The following RAD51D variants were observed in gnomAD, a reference collection of about 807,000 sequenced individuals.
RAD51D encodes the protein DNA repair protein RAD51 homolog 4.
In RAD51D, 38 loss-of-function variants were observed where a neutral mutation model predicts 44.1. The ratio of observed to expected loss-of-function variants is 0.86; its 90% CI spans 0.67 to 1.13. RAD51D has a LOEUF of 1.13. Among genes scored for constraint, RAD51D ranks in the 50% most tolerant of loss-of-function variants. The probability of loss-of-function intolerance (pLI) is 0.00; values close to 1 mark genes in which losing one functional copy is unlikely to be tolerated. For missense variants in RAD51D, 390 were observed against 414.0 expected (o/e 0.94, Z 0.50); for synonymous variants, 141 against 166.6 (o/e 0.85, Z 1.18).
At position 35,092,553 on chromosome 17, in the gene RAD51D, A is replaced by G. The variant is rs1161354969; in HGVS notation, c.*8400T>C. 1 of 152,208 alleles carries G rather than the reference A, an allele frequency of 6.6e-6. No homozygotes were observed. The highest frequency in any genetic ancestry group is 1.5e-5 in the Non-Finnish European group (1 of 68,048). The allele number at this position is 152,208 out of a possible 1,614,324, so 9.4% of individuals were successfully genotyped here. On this transcript the variant is annotated 3_prime_UTR_variant, in exon 10 of 10. Transcript: ENST00000345365. ...AACATACACTTTACCAGTAGGACAG[A>G]GACATTACCTTGTCCAAGTAACTCG...
chr17:35,099,824 TG>T lies in RAD51D; in HGVS notation c.*1128del, dbSNP rs1168723149. 4.0e-6 allele frequency: 2 copies of T among 497,458 alleles called. No individual in the cohort carries two copies. The highest frequency in any genetic ancestry group is 7.9e-6 in the Non-Finnish European group (2 of 252,180). The allele number at this position is 497,458 out of a possible 1,614,324, so 30.8% of individuals were successfully genotyped here. A position where few individuals can be genotyped will look rare whatever the true frequency, so the allele number is the denominator to read the frequency against. ...ACTTTTCCTTTTATTTTCCATTCCC[TG>T]GTGTCTTCGTCCCCTCCCAGCCAGG... On this transcript the variant is annotated 3_prime_UTR_variant, in exon 10 of 10. Transcript: ENST00000345365.
rs534805469 is a variant in RAD51D at position 35,095,892 on chromosome 17, A to G, written c.*5061T>C. On this transcript the variant is annotated 3_prime_UTR_variant, in exon 10 of 10. Transcript: ENST00000345365. ...CTAACTGAAAACCTAATTTAGGAGT[A>G]TACTTTTGTAACAGATTGCTGAGGC... is the stretch of plus-strand genomic sequence containing the variant. 3 of 152,260 alleles carry G rather than the reference A, an allele frequency of 2.0e-5. No individual in the cohort carries two copies. Among genetic ancestry groups the G allele is most frequent in the Non-Finnish European group, 4.4e-5 (3 of 68,048 alleles). The allele number at this position is 152,260 out of a possible 1,614,324, so 9.4% of individuals were successfully genotyped here.
rs937006542 is a variant in RAD51D, at chr17:35,106,418, G to A, written c.544C>T (p.Leu182=). Residue 182 remains leucine, a synonymous_variant, in exon 6 of 10, where the codon CTG becomes TTG. Coordinates refer to ENST00000345365, the MANE Select transcript of RAD51D (RefSeq NM_002878.4). ...GCCACAGTGCCTCGGAGCTCCTGCAGCACATCCAGCATCTGGAAGATGTCA... is the reference window on the plus strand; with the variant it reads ...GCCACAGTGCCTCGGAGCTCCTGCAACACATCCAGCATCTGGAAGATGTCA... The part of the protein sequence containing the change: ...AFDIFQMLDV[L]QELRGTVAQQ... 3.7e-6 allele frequency: 6 copies of A among 1,613,202 alleles called. No individual in the cohort carries two copies.
At position 35,101,216 on chromosome 17, in the gene RAD51D, G is replaced by A. The variant is rs755177638; in HGVS notation, c.888C>T (p.Ala296=). ...ASGGRRMACL[A]KSSRQPTGFQ... ...GCTGGCTCACCTGTCGGGAAGATTT[G>A]GCCAGACACGCCATGCGCCGGCCGC... Residue 296 remains alanine, a synonymous_variant, in exon 9 of 10, where the codon GCC becomes GCT. Coordinates refer to ENST00000345365, the MANE Select transcript of RAD51D (RefSeq NM_002878.4). 6.2e-7 allele frequency: 1 copy of A among 1,614,118 alleles called. No individual in the cohort carries two copies. Among genetic ancestry groups the A allele is most frequent in the Non-Finnish European group, 8.5e-7 (1 of 1,180,008 alleles).
Position 35,100,677 on chromosome 17 carries a change from G to A in RAD51D, c.*276C>T. On this transcript the variant is annotated 3_prime_UTR_variant, in exon 10 of 10. Transcript: ENST00000345365. Reference sequence around the variant, plus strand: ...CATCAGAGATGCTCCCAGCCAGGGTGAACTTGGTTTCCACCAGAAACATAC... The same window carrying A: ...CATCAGAGATGCTCCCAGCCAGGGTAAACTTGGTTTCCACCAGAAACATAC... 1.7e-6 allele frequency: 1 copy of A among 592,644 alleles called. No homozygotes were observed. The highest frequency in any genetic ancestry group is 1.8e-5 in the African/African-American group (1 of 54,828). 36.7% of individuals were successfully genotyped at this position (592,644 alleles called of 1,614,324 possible). A position where few individuals can be genotyped will look rare whatever the true frequency, so the allele number is the denominator to read the frequency against.
chr17:35,103,553 A>G lies in RAD51D; in HGVS notation c.577-9T>C, dbSNP rs2142421294. The G allele has an allele frequency of 6.2e-7, 1 of 1,610,180 alleles. No individual in the cohort carries two copies. Among genetic ancestry groups the G allele is most frequent in the Non-Finnish European group, 8.5e-7 (1 of 1,176,370 alleles). ...CCTGAAGAACCAGTCACCTGAAGGA[A>G]TGTGGGGGAAGCACTCATGAACCTG... On this transcript the variant is annotated splice_polypyrimidine_tract_variant and intron_variant, in intron 6 of 9. Transcript: ENST00000345365. The surrounding 1 kb of genome is among the most constrained non-coding windows in gnomAD (Gnocchi z 4.1).
At chr17:35,101,165 C>T (rs2142410506) in intron 9 of RAD51D, 36 bp downstream of exon 9, 1 of 1,614,046 alleles carries the variant, frequency 6.2e-7, no homozygotes, top group Non-Finnish European at 8.5e-7. Flanking sequence ...CCCTCCAGGG[C>T]CCAAGATTAC....
At chr17:35,113,776 G>A (rs190820666) in intron 3 of RAD51D, among the ~76,000 whole-genome samples, 1 of 152,134 alleles carries the variant, frequency 6.6e-6, no homozygotes, top group Non-Finnish European at 1.5e-5. Flanking sequence ...CCCAGACCAG[G>A]TGCATCAGCA....
chr17:35,115,019 T>C (rs184880227), intron 3 of RAD51D, among the ~76,000 whole-genome samples: 138 of 152,256 alleles, frequency 9.1e-4, no homozygotes, highest in Middle Eastern at 3.4e-3. Context: ...AAATCCACCT[T>C]CCAGCCAACT....
Position 35,097,747 on chromosome 17 carries a change from A to G in RAD51D, c.*3206T>C, listed in dbSNP as rs774990963. ...AATGTATAAAGAGAAAAAGTGACAA[A>G]AAGTGGGAGCCTGTAGGCAGACACG... On this transcript the variant is annotated 3_prime_UTR_variant, in exon 10 of 10. Transcript: ENST00000345365. 9.2e-5 allele frequency: 14 copies of G among 152,160 alleles called. No individual in the cohort carries two copies. The highest frequency in any genetic ancestry group is 1.9e-4 in the Non-Finnish European group (13 of 68,028). The allele number at this position is 152,160 out of a possible 1,614,324, so 9.4% of individuals were successfully genotyped here. A position where few individuals can be genotyped will look rare whatever the true frequency, so the allele number is the denominator to read the frequency against.
chr17:35,096,113 A>G lies in RAD51D; in HGVS notation c.*4840T>C, dbSNP rs2091484558. 6.6e-6 allele frequency: 1 copy of G among 152,222 alleles called. No individual in the cohort carries two copies. The highest frequency in any genetic ancestry group is 6.5e-5 in the Admixed American group (1 of 15,284). 9.4% of individuals were successfully genotyped at this position (152,222 alleles called of 1,614,324 possible). On this transcript the variant is annotated 3_prime_UTR_variant, in exon 10 of 10. Coordinates refer to ENST00000345365, the MANE Select transcript of RAD51D (RefSeq NM_002878.4). The stretch of plus-strand genomic sequence containing the variant: ...CTGTCCTGGTTCTGAGGGCAGCCCA[A>G]TTCTAGAATTGCAAATAAAAGTCAA...
intron 3 of RAD51D, chr17:35,117,089 C>A: frequency 6.4e-7 from 1 of 1,557,582 alleles, no homozygotes; most frequent in Admixed American, 1.8e-5. Flanking sequence ...TTCCTGTTCA[C>A]CACTCCCTCC....
At chr17:35,111,935 T>C (rs1205422624) in intron 3 of RAD51D, among the ~76,000 whole-genome samples, 1 of 152,260 alleles carries the variant, frequency 6.6e-6, no homozygotes, top group African/African-American at 2.4e-5. Context: ...GTCATCCATT[T>C]ATCCGAGTCA....
At position 35,101,225 on chromosome 17, in the gene RAD51D, C is replaced by T. The variant is rs368209468; in HGVS notation, c.879G>A (p.Ala293=). The T allele has an allele frequency of 1.4e-4, 224 of 1,614,012 alleles. No individual in the cohort carries two copies. The highest frequency in any genetic ancestry group is 1.8e-4 in the Non-Finnish European group (216 of 1,180,040). Residue 293 remains alanine, a synonymous_variant, in exon 9 of 10, where the codon GCG becomes GCA. Coordinates refer to ENST00000345365, the MANE Select transcript of RAD51D (RefSeq NM_002878.4). ...GAGASGGRRM[A]CLAKSSRQPT... ...CCTGTCGGGAAGATTTGGCCAGACA[C>T]GCCATGCGCCGGCCGCCTGATGCTC...
At position 35,100,847 on chromosome 17, in the gene RAD51D, C is replaced by A; in HGVS notation, c.*106G>T. On this transcript the variant is annotated 3_prime_UTR_variant, in exon 10 of 10. Coordinates refer to ENST00000345365, the MANE Select transcript of RAD51D (RefSeq NM_002878.4). ...ATGTCTCTTCTGGCCAGCCTGAGAACGTCTGTAGTCACCAGTGCCAGGTGG... is the reference window on the plus strand; with the variant it reads ...ATGTCTCTTCTGGCCAGCCTGAGAAAGTCTGTAGTCACCAGTGCCAGGTGG... 1 of 934,776 alleles carries A rather than the reference C, an allele frequency of 1.1e-6. No individual in the cohort carries two copies. 57.9% of individuals were successfully genotyped at this position (934,776 alleles called of 1,614,324 possible).
At position 35,103,241 on chromosome 17, in the gene RAD51D, C is replaced by A. The variant is rs752733014; in HGVS notation, c.738+13G>T. On this transcript the variant is annotated intron_variant, in intron 8 of 9. Transcript: ENST00000345365. This position sits in a 1 kb window ranked among gnomAD's most constrained non-coding sequence, Gnocchi z 4.1. ...CTAGAAATCAAGTTCATTGGCCAAG[C>A]CTGCTTCCTCACCACCACTGCCATG... 12 of 1,603,528 alleles carry A rather than the reference C, an allele frequency of 7.5e-6. No homozygotes were observed. Among genetic ancestry groups the A allele is most frequent in the Non-Finnish European group, 9.4e-6 (11 of 1,175,580 alleles).
rs926815658 is a variant in RAD51D at position 35,096,131 on chromosome 17, A to G, written c.*4822T>C. 3.3e-5 allele frequency: 5 copies of G among 152,210 alleles called. No individual in the cohort carries two copies. The highest frequency in any genetic ancestry group is 1.2e-4 in the African/African-American group (5 of 41,452). 9.4% of individuals were successfully genotyped at this position (152,210 alleles called of 1,614,324 possible). ...CAGCCCAATTCTAGAATTGCAAATA[A>G]AAGTCAATTACAATCTGCAAAACTA... On this transcript the variant is annotated 3_prime_UTR_variant, in exon 10 of 10. Coordinates refer to ENST00000345365, the MANE Select transcript of RAD51D (RefSeq NM_002878.4).
chr17:35,104,009 C>T (rs1426819878), intron 6 of RAD51D, among the ~76,000 whole-genome samples: 12 of 152,072 alleles, frequency 7.9e-5, no homozygotes, highest in South Asian at 6.2e-4. Flanking sequence ...AACTGGGAGG[C>T]GGGGGTTGCA....
intron 3 of RAD51D, among the ~76,000 whole-genome samples, chr17:35,109,664 T>G (rs1014621594): frequency 2.0e-5 from 3 of 152,104 alleles, no homozygotes; most frequent in African/African-American, 7.2e-5. Context: ...TAGTTAATAG[T>G]GTTGAACTTT....
Sources: allele counts gnomAD v4.1 joint callset (sites outside exome capture counted in the v4.1 genomes callset), GRCh38; gene constraint gnomAD v4.1.1; non-coding constraint Gnocchi (gnomAD v3.1); transcripts MANE v1.5; gene names NCBI Gene and HGNC (gene_info 2026-07-23, HGNC 2026-07-21).